The following KDM4B variants were observed in gnomAD, a reference collection of about 807,000 sequenced individuals.
The protein encoded by KDM4B is lysine demethylase 4B.
In KDM4B, 32 loss-of-function variants were observed where a neutral mutation model predicts 125.2. The ratio of observed to expected loss-of-function variants is 0.26; its 90% CI spans 0.19 to 0.34. KDM4B has a LOEUF of 0.34. Ranked by LOEUF, KDM4B falls within the 10% of genes least tolerant of loss-of-function variation. KDM4B has a pLI of 1.00. For synonymous variants in KDM4B, 721 were observed against 677.9 expected (o/e 1.06, Z -0.99); for missense variants, 1,190 against 1,577.7 (o/e 0.75, Z 4.16).
chr19:5,052,793 GC>G lies in KDM4B; in HGVS notation c.626+5125del, dbSNP rs2037272173. Among the ~76,000 whole-genome samples, 7 of 152,360 alleles carry G rather than the reference GC, an allele frequency of 4.6e-5. No homozygotes were observed. The South Asian group carries it at 1.4e-3, about 32-fold the overall frequency. On this transcript the variant is annotated intron_variant, in intron 6 of 22. Transcript: ENST00000159111. Reference sequence around the variant, plus strand: ...GCAGCCTGAAGGCCCATGGGGTAGCGCGCTGGCGCCCGGGGACCCTGGTGTG... The same window carrying G: ...GCAGCCTGAAGGCCCATGGGGTAGCGGCTGGCGCCCGGGGACCCTGGTGTG...
intron 1 of KDM4B, among the ~76,000 whole-genome samples, chr19:4,981,586 G>A (rs1035818299): frequency 6.6e-6 from 1 of 152,150 alleles, no homozygotes; most frequent in African/African-American, 2.4e-5. Flanking sequence ...CCCCCAGGAG[G>A]TTAAAGGGGT....
intron 9 of KDM4B, among the ~76,000 whole-genome samples, chr19:5,107,668 G>A (rs990058720): frequency 6.6e-5 from 10 of 152,204 alleles, no homozygotes; most frequent in Non-Finnish European, 8.8e-5. Context: ...CCACAGGCAC[G>A]CAGCCGATCA....
intron 18 of KDM4B, among the ~76,000 whole-genome samples, chr19:5,138,931 TTTC>T (rs2039695714): frequency 6.6e-6 from 1 of 152,206 alleles, no homozygotes; most frequent in African/African-American, 2.4e-5. Context: ...GACCGGCTTC[TTTC>T]TTAAGAGACA....
chr19:5,065,254 C>G (rs115230879), intron 6 of KDM4B, among the ~76,000 whole-genome samples: 6,635 of 152,320 alleles, frequency 0.044, 496 homozygotes, highest in African/African-American at 0.15. Context: ...CAGGGGTGGC[C>G]TGGGCCGTGT....
At position 5,035,176 on chromosome 19, in the gene KDM4B, G is replaced by T. The variant is rs1568243931; in HGVS notation, c.141+2145G>T. Reference sequence around the variant, plus strand: ...GGCTGCTATCCCAGGAAAGGCCCAGGTCCTCCTCTTCCTCCTCTCCCTGGT... The same window carrying T: ...GGCTGCTATCCCAGGAAAGGCCCAGTTCCTCCTCTTCCTCCTCTCCCTGGT... On this transcript the variant is annotated intron_variant, in intron 3 of 22. Coordinates refer to ENST00000159111, the MANE Select transcript of KDM4B (RefSeq NM_015015.3). This position sits in a 1 kb window ranked among gnomAD's most constrained non-coding sequence, Gnocchi z 5.3. Among the ~76,000 whole-genome samples the T allele has an allele frequency of 6.6e-6, 1 of 152,138 alleles. No individual in the cohort carries two copies. Among genetic ancestry groups the T allele is most frequent in the East Asian group, 1.9e-4 (1 of 5,184 alleles).
At position 5,078,360 on chromosome 19, in the gene KDM4B, CT is replaced by C. The variant is rs2038184520; in HGVS notation, c.780+892del. 1 of 152,184 alleles carries C rather than the reference CT, an allele frequency of 6.6e-6. No individual in the cohort carries two copies. Among genetic ancestry groups the C allele is most frequent in the African/African-American group, 2.4e-5 (1 of 41,420 alleles). The allele number at this position is 152,184 out of a possible 1,614,324, so 9.4% of individuals were successfully genotyped here. On this transcript the variant is annotated intron_variant, in intron 8 of 22. Coordinates refer to ENST00000159111, the MANE Select transcript of KDM4B (RefSeq NM_015015.3). This position sits in a 1 kb window ranked among gnomAD's most constrained non-coding sequence, Gnocchi z 4.5. ...CTGAGTGTCAGCCAGCCGGAAATTG[CT>C]TGTGACATTTCAATCAAACCGCCAA...
chr19:5,150,490 A>G, intron 22 of KDM4B, 40 bp downstream of exon 22: 1 of 1,432,804 alleles, frequency 7.0e-7, no homozygotes, highest in South Asian at 1.2e-5. Context: ...CGGGTGACTC[A>G]GGGAGCCCGT....
At chr19:5,040,594 G>A (rs1199415751) in intron 4 of KDM4B, among the ~76,000 whole-genome samples, 2 of 152,142 alleles carry the variant, frequency 1.3e-5, no homozygotes, top group African/African-American at 2.4e-5. Flanking sequence ...GCAGTGTTCC[G>A]AGTACAGCTC....
chr19:5,054,197 C>A (rs1198339682), intron 6 of KDM4B, among the ~76,000 whole-genome samples: 1 of 152,210 alleles, frequency 6.6e-6, no homozygotes, highest in Admixed American at 6.5e-5. Context: ...TGATCCTCCC[C>A]CTTCAGCCTC....
chr19:5,023,345 G>T (rs2036180620), intron 2 of KDM4B, among the ~76,000 whole-genome samples: 1 of 152,354 alleles, frequency 6.6e-6, no homozygotes, highest in African/African-American at 2.4e-5. Flanking sequence ...CTTGCCAGGG[G>T]AGGCATTTGG....
chr19:5,100,358 TC>T (rs1457616746), intron 9 of KDM4B, among the ~76,000 whole-genome samples: 1 of 152,274 alleles, frequency 6.6e-6, no homozygotes, highest in Admixed American at 6.5e-5. Context: ...GAACTAGTGT[TC>T]CACTTTATCT....
At chr19:5,030,560 T>C (rs2036419560) in intron 2 of KDM4B, among the ~76,000 whole-genome samples, 1 of 152,192 alleles carries the variant, frequency 6.6e-6, no homozygotes, top group African/African-American at 2.4e-5. Flanking sequence ...GAAGAGGCCA[T>C]GTGTGCACCG....
chr19:4,998,995 G>T (rs1490906645), intron 1 of KDM4B, among the ~76,000 whole-genome samples: 2 of 152,152 alleles, frequency 1.3e-5, no homozygotes, highest in Admixed American at 1.3e-4. Flanking sequence ...GGCCCGCCAG[G>T]TTTCCCCACC....
chr19:4,973,741 G>T (rs558777709), intron 1 of KDM4B, among the ~76,000 whole-genome samples: 1 of 151,296 alleles, frequency 6.6e-6, no homozygotes, highest in South Asian at 2.1e-4. Flanking sequence ...GGCCTTCCCT[G>T]TTGGGGCGGG....
rs758077645 is a variant in KDM4B, at chr19:5,131,066, C to T, written c.1316-10C>T. On this transcript the variant is annotated splice_polypyrimidine_tract_variant and intron_variant, in intron 11 of 22. Transcript: ENST00000159111. ...TTCTCCTCCCTGACCTCCCTCTCCT[C>T]TTCCCACAGAGGACGGGAGGGGCAA... The T allele has an allele frequency of 1.5e-5, 23 of 1,499,202 alleles. No individual in the cohort carries two copies. The highest frequency in any genetic ancestry group is 2.0e-5 in the Non-Finnish European group (23 of 1,123,278). 92.9% of individuals were successfully genotyped at this position (1,499,202 alleles called of 1,614,324 possible). A position where few individuals can be genotyped will look rare whatever the true frequency, so the allele number is the denominator to read the frequency against.
chr19:5,031,816 G>C (rs531283235), intron 2 of KDM4B, among the ~76,000 whole-genome samples: 1 of 152,206 alleles, frequency 6.6e-6, no homozygotes, highest in African/African-American at 2.4e-5. Context: ...CTTCAGGAGC[G>C]GGTGGCTGCA....
chr19:5,051,643 A>G (rs944703576), intron 6 of KDM4B, among the ~76,000 whole-genome samples: 1 of 152,210 alleles, frequency 6.6e-6, no homozygotes, highest in Admixed American at 6.5e-5. Flanking sequence ...CGTGGCAGCC[A>G]CAGAGGCCTC....
At chr19:5,136,525 T>C (rs1008976115) in intron 15 of KDM4B, among the ~76,000 whole-genome samples, 5 of 152,100 alleles carry the variant, frequency 3.3e-5, no homozygotes, top group Non-Finnish European at 5.9e-5. Context: ...TTGCTGGGCC[T>C]GGGTTTGAGA....
At chr19:5,143,244 G>A (rs1482343910) in intron 18 of KDM4B, among the ~76,000 whole-genome samples, 2 of 151,574 alleles carry the variant, frequency 1.3e-5, no homozygotes, top group African/African-American at 4.9e-5. Context: ...GATTGCTTGA[G>A]CCCAGGAGTT....
Sources: gnomAD v4.1 joint callset for allele counts (sites outside exome capture counted in the v4.1 genomes callset) on GRCh38, gnomAD v4.1.1 for gene constraint, Gnocchi (gnomAD v3.1) non-coding constraint, MANE v1.5 for transcripts, NCBI Gene and HGNC (gene_info 2026-07-23, HGNC 2026-07-21) for gene names.